GABBR2: variants seen among roughly 807,000 people sequenced by gnomAD.
The protein encoded by GABBR2 is gamma-aminobutyric acid type B receptor subunit 2, also known as G-protein coupled receptor 51.
Under a neutral mutation model 105.6 loss-of-function variants are expected in GABBR2, and 23 were observed. The observed-to-expected ratio is 0.22, with a 90% confidence interval of 0.16 to 0.31. GABBR2 has a LOEUF of 0.31. Ranked by LOEUF, GABBR2 falls within the 10% of genes least tolerant of loss-of-function variation. GABBR2 has a pLI of 1.00. For synonymous variants in GABBR2, 478 were observed against 499.7 expected, an observed-to-expected ratio of 0.96 and a Z score of 0.58; for missense variants, 734 against 1,245.5, an observed-to-expected ratio of 0.59 and a Z score of 6.18.
rs536164633 is a variant in GABBR2 at position 98,355,887 on chromosome 9, G to A, written c.1893+6828C>T. Among the ~76,000 whole-genome samples, 5 of 152,324 alleles carry A rather than the reference G, an allele frequency of 3.3e-5. No homozygotes were observed. The South Asian group carries it at 6.2e-4, about 19-fold the overall frequency. ...TAATAGATCAATGTAATGGAACAGGGAGCTCAGAAATACACCCACACAAAC... is the reference window on the plus strand; with the variant it reads ...TAATAGATCAATGTAATGGAACAGGAAGCTCAGAAATACACCCACACAAAC... On this transcript the variant is annotated intron_variant, in intron 13 of 18. Transcript: ENST00000259455.
intron 4 of GABBR2, among the ~76,000 whole-genome samples, chr9:98,481,977 C>T (rs2808558): frequency 6.6e-6 from 1 of 152,130 alleles, no homozygotes; most frequent in Admixed American, 6.5e-5. Context: ...GATCCAGCTG[C>T]GTCCTGTCCC....
intron 13 of GABBR2, among the ~76,000 whole-genome samples, chr9:98,322,288 C>A (rs1053245220): frequency 6.6e-6 from 1 of 152,130 alleles, no homozygotes; most frequent in Non-Finnish European, 1.5e-5. Context: ...CCAGGTGAGA[C>A]CAGAACCTGG....
chr9:98,534,594 T>C (rs192011925), intron 3 of GABBR2, among the ~76,000 whole-genome samples: 5 of 152,200 alleles, frequency 3.3e-5, no homozygotes, highest in South Asian at 2.1e-4. Context: ...ATGCTCAAGA[T>C]GAAAAAAAGA....
intron 1 of GABBR2, among the ~76,000 whole-genome samples, chr9:98,613,137 C>A (rs760065652): frequency 6.6e-6 from 1 of 152,182 alleles, no homozygotes; most frequent in Non-Finnish European, 1.5e-5. Context: ...GACTCTCCTA[C>A]CATCAAAAGG....
At chr9:98,487,780 C>G (rs1005198064) in intron 4 of GABBR2, among the ~76,000 whole-genome samples, 6 of 151,994 alleles carry the variant, frequency 3.9e-5, no homozygotes, top group African/African-American at 1.2e-4. Context: ...CCTGTCCCCA[C>G]TCCCCCAGTC....
rs552445022 is a variant in GABBR2, at chr9:98,575,667, G to T, written c.459+2268C>A. Among the ~76,000 whole-genome samples, 5 of 152,260 alleles carry T rather than the reference G, an allele frequency of 3.3e-5. No homozygotes were observed. In the South Asian group the frequency reaches 8.3e-4, roughly 25 times the overall value. On this transcript the variant is annotated intron_variant, in intron 2 of 18. Transcript: ENST00000259455. ...AGAGAATCTAAGTGACTGGTCCAAG[G>T]TCTCCACAGCTGTCCTGGGCACCCT...
chr9:98,659,152 G>T (rs550785331), intron 1 of GABBR2, among the ~76,000 whole-genome samples: 6 of 152,238 alleles, frequency 3.9e-5, no homozygotes, highest in African/African-American at 1.2e-4. Flanking sequence ...TTTCCACTAG[G>T]AAGCTCAGGG....
intron 6 of GABBR2, among the ~76,000 whole-genome samples, chr9:98,471,026 G>A (rs905522357): frequency 7.2e-5 from 11 of 152,120 alleles, no homozygotes; most frequent in African/African-American, 2.7e-4. Context: ...TGGGACCTAG[G>A]GGTGGCAGAA....
At chr9:98,572,638 G>A (rs570441572) in intron 2 of GABBR2, among the ~76,000 whole-genome samples, 1 of 152,178 alleles carries the variant, frequency 6.6e-6, no homozygotes, top group Non-Finnish European at 1.5e-5. Context: ...GGTCCACAGA[G>A]TCTGGCTTAT....
chr9:98,665,234 A>G (rs1051536713), intron 1 of GABBR2, among the ~76,000 whole-genome samples: 1 of 151,930 alleles, frequency 6.6e-6, no homozygotes, highest in Non-Finnish European at 1.5e-5. Flanking sequence ...GTTCCACTGC[A>G]CTTCAGCCTC....
chr9:98,401,959 A>G (rs1832402216), intron 8 of GABBR2, among the ~76,000 whole-genome samples: 1 of 152,170 alleles, frequency 6.6e-6, no homozygotes, highest in Admixed American at 6.5e-5. Context: ...CTGAAGACCA[A>G]ATGGTAATTA....
chr9:98,304,708 A>G (rs10985799), intron 15 of GABBR2, among the ~76,000 whole-genome samples: 39,149 of 152,110 alleles, frequency 0.26, 5,340 homozygotes, highest in South Asian at 0.4. Context: ...CCTGCTCTGA[A>G]GCAGATGCCT....
rs538315094 is a variant in GABBR2 at position 98,458,417 on chromosome 9, G to A, written c.1000-4200C>T. 2.6e-5 allele frequency among the ~76,000 whole-genome samples: 4 copies of A among 152,274 alleles called. No individual in the cohort carries two copies. The East Asian group carries it at 7.7e-4, about 29-fold the overall frequency. On this transcript the variant is annotated intron_variant, in intron 6 of 18. Coordinates refer to ENST00000259455, the MANE Select transcript of GABBR2 (RefSeq NM_005458.8). ...TGGGAAGCTTGTTAAAAATGCAGAT[G>A]CCACGGCTGGGCACGGTGTCCCACG...
intron 1 of GABBR2, among the ~76,000 whole-genome samples, chr9:98,588,998 C>T (rs1208365905): frequency 3.3e-5 from 5 of 152,212 alleles, no homozygotes; most frequent in African/African-American, 7.2e-5. Flanking sequence ...GGCAGTCTCA[C>T]GAGCTGACAG....
intron 2 of GABBR2, among the ~76,000 whole-genome samples, chr9:98,567,104 C>T (rs959214828): frequency 3.3e-5 from 5 of 152,228 alleles, no homozygotes; most frequent in East Asian, 1.9e-4. Flanking sequence ...GTAAGTAGCG[C>T]GAGTGATTTA....
chr9:98,663,088 A>C (rs1830285845), intron 1 of GABBR2, among the ~76,000 whole-genome samples: 2 of 152,220 alleles, frequency 1.3e-5, no homozygotes, highest in Non-Finnish European at 2.9e-5. Flanking sequence ...TCCTGAGACA[A>C]GGAGTTAACA....
intron 7 of GABBR2, among the ~76,000 whole-genome samples, chr9:98,435,544 C>A (rs1377826980): frequency 6.6e-6 from 1 of 152,148 alleles, no homozygotes; most frequent in Non-Finnish European, 1.5e-5. Flanking sequence ...CTCCCCACCA[C>A]AGCCAGAGGG....
At chr9:98,623,193 G>A (rs1311805437) in intron 1 of GABBR2, among the ~76,000 whole-genome samples, 1 of 152,234 alleles carries the variant, frequency 6.6e-6, no homozygotes, top group East Asian at 1.9e-4. Context: ...GGGAGGCCGA[G>A]GCAGTTTGAT....
rs778244315 is a variant in GABBR2 at position 98,290,429 on chromosome 9, C to T, written c.*155G>A. 19 of 426,170 alleles carry T rather than the reference C, an allele frequency of 4.5e-5. No individual in the cohort carries two copies. Among genetic ancestry groups the T allele is most frequent in the East Asian group, 2.1e-4 (6 of 28,166 alleles). 26.4% of individuals were successfully genotyped at this position (426,170 alleles called of 1,614,324 possible). ...TCAGGTGCCAAGTCTCCCCCTGCCC[C>T]GTCCTGTCCACCTGAGTGCCATCCG... On this transcript the variant is annotated 3_prime_UTR_variant, in exon 19 of 19. Coordinates refer to ENST00000259455, the MANE Select transcript of GABBR2 (RefSeq NM_005458.8).
Sources: gnomAD v4.1 joint callset for allele counts (sites outside exome capture counted in the v4.1 genomes callset) on GRCh38, gnomAD v4.1.1 for gene constraint, MANE v1.5 for transcripts, NCBI Gene and HGNC (gene_info 2026-07-23, HGNC 2026-07-21) for gene names.